Variants in MICA observed in about 807,000 individuals in gnomAD.
MICA encodes HLA class I antigen.
A neutral mutation model predicts 34.3 loss-of-function variants in MICA; 18 were observed. The observed-to-expected ratio is 0.52, with a 90% CI of 0.36 to 0.78. MICA has a LOEUF of 0.78. Ranked by LOEUF, MICA falls within the 30% of genes least tolerant of loss-of-function variation. MICA has a pLI of 0.00. For missense variants in MICA, 333 were observed against 409.4 expected, an observed-to-expected ratio of 0.81 and a Z score of 1.61; for synonymous variants, 135 against 156.9, an observed-to-expected ratio of 0.86 and a Z score of 1.04.
In MICA at chr6:31,411,451, T is replaced by C; in HGVS notation, c.613+92T>C. On this transcript the variant is annotated intron_variant, in intron 3 of 5. Transcript: ENST00000449934. This position sits in a 1 kb window ranked among gnomAD's most constrained non-coding sequence, Gnocchi z 4.3. ...GTGTCCAGGGAAACCCTCCCTGTGCTATGGATGAAGGCATTTCCTGTTGGC... is the reference window on the plus strand; with the variant it reads ...GTGTCCAGGGAAACCCTCCCTGTGCCATGGATGAAGGCATTTCCTGTTGGC... 1 of 1,270,758 alleles carries C rather than the reference T, an allele frequency of 7.9e-7. No individual in the cohort carries two copies. The highest frequency in any genetic ancestry group is 1.1e-6 in the Non-Finnish European group (1 of 936,444). The allele number at this position is 1,270,758 out of a possible 1,614,324, so 78.7% of individuals were successfully genotyped here.
At chr6:31,402,495 A>G (rs1770485186), upstream of MICA, among the ~76,000 whole-genome samples, 2 of 152,000 alleles carry the variant, frequency 1.3e-5, no homozygotes, top group South Asian at 4.1e-4. Flanking sequence ...TGTGACATTC[A>G]GCAGATGGGG....
At position 31,411,151 on chromosome 6, in the gene MICA, C is replaced by G; in HGVS notation, c.405C>G (p.Tyr135Ter). 6.2e-7 allele frequency: 1 copy of G among 1,612,396 alleles called. No individual in the cohort carries two copies. The highest frequency in any genetic ancestry group is 8.5e-7 in the Non-Finnish European group (1 of 1,179,688). ...CCAGGAGCTCCCAGCATTTCTACTACGATGGGGAGCTCTTCCTCTCCCAAA... is the reference window on the plus strand; with the variant it reads ...CCAGGAGCTCCCAGCATTTCTACTAGGATGGGGAGCTCTTCCTCTCCCAAA... ...NSTRSSQHFY[Y>*]DGELFLSQNL... Residue 135 changes from tyrosine (Y) to a stop codon, truncating the protein, a stop_gained, in exon 3 of 6, where the codon TAC becomes TAG. Coordinates refer to ENST00000449934, the MANE Select transcript of MICA (RefSeq NM_001177519.3). LOFTEE classifies it high-confidence loss of function. The surrounding 1 kb of genome is among the most constrained non-coding windows in gnomAD (Gnocchi z 4.3).
At position 31,411,930 on chromosome 6, in the gene MICA, T is replaced by G; in HGVS notation, c.614-17T>G. 1.9e-6 allele frequency: 3 copies of G among 1,606,330 alleles called. No homozygotes were observed. The highest frequency in any genetic ancestry group is 2.6e-6 in the Non-Finnish European group (3 of 1,176,408). On this transcript the variant is annotated splice_polypyrimidine_tract_variant and intron_variant, in intron 3 of 5. Transcript: ENST00000449934. The surrounding 1 kb of genome is among the most constrained non-coding windows in gnomAD (Gnocchi z 4.3). ...GAGGGGAGCAGGGCTTCACTGGCTC[T>G]GCCCTTTCTTCTCCAGTGCCCCCCA... is the stretch of plus-strand genomic sequence containing the variant.
intron 1 of MICA, among the ~76,000 whole-genome samples, chr6:31,407,147 T>C (rs1011694726): frequency 2.6e-5 from 4 of 151,962 alleles, no homozygotes; most frequent in African/African-American, 9.7e-5. Flanking sequence ...TTGGGTAGTA[T>C]GGATATTTCA....
At chr6:31,413,002 C>A (rs1771292694) in intron 5 of MICA, among the ~76,000 whole-genome samples, 1 of 151,656 alleles carries the variant, frequency 6.6e-6, no homozygotes, top group African/African-American at 2.4e-5. Flanking sequence ...CCTGGGGGCC[C>A]TGCCTGTGTA....
At chr6:31,401,346 T>C (rs1770418201), upstream of MICA, among the ~76,000 whole-genome samples, 1 of 151,890 alleles carries the variant, frequency 6.6e-6, no homozygotes, top group Admixed American at 6.6e-5. Context: ...AATTCTCGAA[T>C]ACATTACATT....
rs17200186 is a variant in MICA at position 31,410,732 on chromosome 6, G to C, written c.260G>C (p.Arg87Thr). 6 of 1,606,454 alleles carry C rather than the reference G, an allele frequency of 3.7e-6. No homozygotes were observed. Among genetic ancestry groups the C allele is most frequent in the Non-Finnish European group, 4.2e-6 (5 of 1,176,842 alleles). The change falls in exon 2 of 6, where the codon AGG becomes ACG. Residue 87 changes from arginine to threonine, a missense_variant. By Grantham distance (71) the Arg-to-Thr change is moderately conservative (BLOSUM62 -1). Transcript: ENST00000449934. ...AATAAGACATGGGACAGAGAGACCA[G>C]GGACTTGACAGGGAACGGAAAGGAC... ...LGNKTWDRET[R>T]DLTGNGKDLR...
At chr6:31,408,725 T>C (rs1179272081) in intron 1 of MICA, among the ~76,000 whole-genome samples, 1 of 151,936 alleles carries the variant, frequency 6.6e-6, no homozygotes, top group Non-Finnish European at 1.5e-5. Flanking sequence ...TGAGGTTCGG[T>C]GGGCACAGTG....
chr6:31,403,199 G>A (rs1284186249), upstream of MICA, among the ~76,000 whole-genome samples: 76 of 151,916 alleles, frequency 5.0e-4, 2 homozygotes, highest in African/African-American at 1.8e-3. The surrounding 1 kb of genome is among the most constrained non-coding windows in gnomAD (Gnocchi z 4.7). Flanking sequence ...GTCCTGGAAG[G>A]AACAAGCCAG....
At position 31,415,014 on chromosome 6, in the gene MICA, C is replaced by G. The variant is rs184093207; in HGVS notation, c.*32C>G. On this transcript the variant is annotated splice_region_variant and 3_prime_UTR_variant, in exon 6 of 6. Transcript: ENST00000449934. ...ACCCATTTCCCTCTTTTCTCCAGAG[C>G]TCGTGAGCCTGCAGGTCCTGGATCA... 6.7e-7 allele frequency: 1 copy of G among 1,482,524 alleles called. No homozygotes were observed. Among genetic ancestry groups the G allele is most frequent in the Non-Finnish European group, 9.3e-7 (1 of 1,070,164 alleles). 91.8% of individuals were successfully genotyped at this position (1,482,524 alleles called of 1,614,324 possible). A position where few individuals can be genotyped will look rare whatever the true frequency, so the allele number is the denominator to read the frequency against.
chr6:31,403,268 G>A (rs17200081), upstream of MICA, among the ~76,000 whole-genome samples: 6,234 of 151,858 alleles, frequency 0.041, 247 homozygotes, highest in East Asian at 0.13. The surrounding 1 kb of genome is among the most constrained non-coding windows in gnomAD (Gnocchi z 4.7). Flanking sequence ...CGCGCTCCTC[G>A]GGGTGGGGGC....
chr6:31,409,815 A>G (rs1285684022), intron 1 of MICA, among the ~76,000 whole-genome samples: 1 of 151,802 alleles, frequency 6.6e-6, no homozygotes, highest in African/African-American at 2.4e-5. Context: ...TTAAGGGTCC[A>G]ATTTTATTTT....
chr6:31,410,872 T>C, intron 2 of MICA, 75 bp downstream of exon 2: 1 of 1,505,048 alleles, frequency 6.6e-7, no homozygotes. Context: ...CAGGGACCTG[T>C]CTCTTCCCAC....
At chr6:31,414,732 G>C (rs1229516376) in intron 5 of MICA, among the ~76,000 whole-genome samples, 1 of 151,916 alleles carries the variant, frequency 6.6e-6, no homozygotes, top group Non-Finnish European at 1.5e-5. Flanking sequence ...GGAGGGCACT[G>C]GGTTCCCTCT....
In MICA at chr6:31,412,170, G is replaced by T. The variant is rs41557614; in HGVS notation, c.837G>T (p.Arg279Ser). Residue 279 changes from arginine (R) to serine (S), a missense_variant, in exon 4 of 6, where the codon AGG (arginine) becomes AGT (serine). Coordinates refer to ENST00000449934, the MANE Select transcript of MICA (RefSeq NM_001177519.3). Reference sequence around the variant, plus strand: ...GGATTTGCCGAGGAGAGGAGCAGAGGTTCACCTGCTACATGGAACACAGCG... The same window carrying T: ...GGATTTGCCGAGGAGAGGAGCAGAGTTTCACCTGCTACATGGAACACAGCG... ...ATRICRGEEQ[R>S]FTCYMEHSGN... is the part of the protein sequence containing the mutation. 283 of 1,612,470 alleles carry T rather than the reference G, an allele frequency of 1.8e-4. 2 individuals carry two copies. In the African/African-American group the frequency reaches 3.3e-3, roughly 19 times the overall value.
intron 5 of MICA, among the ~76,000 whole-genome samples, chr6:31,413,173 C>T (rs6934175): frequency 0.28 from 42,350 of 151,596 alleles, 6,437 homozygotes; most frequent in African/African-American, 0.35. Flanking sequence ...CACGGCCTGG[C>T]CTCCCTGAGT....
intron 1 of MICA, among the ~76,000 whole-genome samples, chr6:31,405,917 A>T (rs1770722479): frequency 6.6e-6 from 1 of 151,930 alleles, no homozygotes; most frequent in Non-Finnish European, 1.5e-5. Flanking sequence ...ACACATGTAC[A>T]CCACATTTTC....
At chr6:31,403,289 G>A (rs1237352105), upstream of MICA, among the ~76,000 whole-genome samples, 1 of 151,860 alleles carries the variant, frequency 6.6e-6, no homozygotes, top group African/African-American at 2.4e-5. The surrounding 1 kb of genome is among the most constrained non-coding windows in gnomAD (Gnocchi z 4.7). Context: ...GCGGGGATGG[G>A]TGGTCGCGAT....
At chr6:31,403,009 A>G (rs36223346), upstream of MICA, among the ~76,000 whole-genome samples, 578 of 151,900 alleles carry the variant, frequency 3.8e-3, 15 homozygotes, top group East Asian at 0.051. The surrounding 1 kb of genome is among the most constrained non-coding windows in gnomAD (Gnocchi z 4.7). Flanking sequence ...GAAGGAGATT[A>G]TAAAGCTGAA....
Sources: gnomAD v4.1 joint callset for allele counts (sites outside exome capture counted in the v4.1 genomes callset) on GRCh38, gnomAD v4.1.1 for gene constraint, Gnocchi (gnomAD v3.1) non-coding constraint, MANE v1.5 for transcripts, NCBI Gene and HGNC (gene_info 2026-07-23, HGNC 2026-07-21) for gene names.